COL26A1: variants seen among roughly 807,000 people sequenced by gnomAD.
COL26A1 encodes the protein collagen alpha-1(XXVI) chain.
COL26A1 carries 41 observed loss-of-function variants against 59.3 expected under a neutral mutation model. That is an observed-to-expected ratio of 0.69 (90% CI 0.54 to 0.90). COL26A1 has a LOEUF of 0.90. Ranked by LOEUF, COL26A1 falls within the 40% of genes least tolerant of loss-of-function variation. The pLI is 0.00. For synonymous variants in COL26A1, 266 were observed against 256.0 expected (o/e 1.04, Z -0.37); for missense variants, 612 against 602.3 (o/e 1.02, Z -0.17).
chr7:101,531,212 C>T (rs1299954484), intron 3 of COL26A1, among the ~76,000 whole-genome samples: 1 of 152,146 alleles, frequency 6.6e-6, no homozygotes, highest in Non-Finnish European at 1.5e-5. Flanking sequence ...ACCTCATGAT[C>T]CTCCCGCCTT....
At chr7:101,396,116 G>A (rs1408514904) in intron 1 of COL26A1, among the ~76,000 whole-genome samples, 2 of 151,946 alleles carry the variant, frequency 1.3e-5, no homozygotes, top group Admixed American at 6.6e-5. Flanking sequence ...AAAAACATTA[G>A]CCAGGTGTGG....
At chr7:101,439,017 G>A (rs1792983950) in intron 2 of COL26A1, among the ~76,000 whole-genome samples, 1 of 152,120 alleles carries the variant, frequency 6.6e-6, no homozygotes, top group Non-Finnish European at 1.5e-5. Flanking sequence ...CCTTAAAATG[G>A]GCATGTAGAA....
rs1230860434 is a variant in COL26A1, at chr7:101,450,744, T to TTCTATATGAATATGAATTCCATAG, written c.385+3044_385+3067dup. Among the ~76,000 whole-genome samples, 426 of 111,640 alleles carry TTCTATATGAATATGAATTCCATAG rather than the reference T, an allele frequency of 3.8e-3. 29 individuals are homozygous for TTCTATATGAATATGAATTCCATAG. Among genetic ancestry groups the TTCTATATGAATATGAATTCCATAG allele is most frequent in the African/African-American group, 0.012 (287 of 23,352 alleles). 73.2% of individuals were successfully genotyped at this position (111,640 alleles called of 152,430 possible). The stretch of plus-strand genomic sequence containing the variant: ...ATTATTGAATTATTTATATTCCATA[T>TTCTATATGAATATGAATTCCATAG]TCTATATGAATATGAATTCCATAGT... On this transcript the variant is annotated intron_variant, in intron 3 of 12. Transcript: ENST00000313669.
chr7:101,467,292 G>C (rs1049639972), intron 3 of COL26A1, among the ~76,000 whole-genome samples: 5 of 150,446 alleles, frequency 3.3e-5, no homozygotes, highest in African/African-American at 1.2e-4. Context: ...AAAGAGAACA[G>C]CCCTCCCTCC....
chr7:101,469,441 G>A (rs542227361), intron 3 of COL26A1, among the ~76,000 whole-genome samples: 1 of 152,172 alleles, frequency 6.6e-6, no homozygotes, highest in African/African-American at 2.4e-5. Context: ...GCCATAAACG[G>A]GGTGCCCAGT....
chr7:101,469,495 C>CTTTTTTT (rs36116265), intron 3 of COL26A1, among the ~76,000 whole-genome samples: 1 of 145,150 alleles, frequency 6.9e-6, no homozygotes, highest in African/African-American at 2.5e-5. Flanking sequence ...CGATTTCTCT[C>CTTTTTTT]TTTTTTTTTT....
chr7:101,435,498 G>A (rs550258989), intron 2 of COL26A1, among the ~76,000 whole-genome samples: 51 of 152,132 alleles, frequency 3.4e-4, no homozygotes, highest in South Asian at 2.7e-3. Flanking sequence ...TCCCTCCTCC[G>A]TGCCTCAGTT....
intron 3 of COL26A1, among the ~76,000 whole-genome samples, chr7:101,510,904 T>TTTTC (rs1794908432): frequency 6.8e-6 from 1 of 146,568 alleles, no homozygotes; most frequent in African/African-American, 2.5e-5. Context: ...CTTTCTTTTT[T>TTTTC]TTTTTTTTTT....
intron 3 of COL26A1, among the ~76,000 whole-genome samples, chr7:101,466,609 G>T (rs1793763118): frequency 6.6e-6 from 1 of 152,136 alleles, no homozygotes; most frequent in African/African-American, 2.4e-5. Flanking sequence ...AGAATCGCTT[G>T]AGCCTCGGAG....
intron 2 of COL26A1, among the ~76,000 whole-genome samples, chr7:101,437,447 C>T (rs1194247104): frequency 1.5e-5 from 2 of 131,478 alleles, no homozygotes; most frequent in Non-Finnish European, 3.2e-5. Flanking sequence ...AATTCTGAAT[C>T]GGGCGGAGTT....
At chr7:101,400,233 CCTAGGGCTCAGG>C (rs1209297437) in intron 1 of COL26A1, among the ~76,000 whole-genome samples, 1 of 151,948 alleles carries the variant, frequency 6.6e-6, no homozygotes, top group Non-Finnish European at 1.5e-5. Context: ...CATGGCTCAG[CCTAGGGCTCAGG>C]GGTTCAGGAG....
chr7:101,381,115 T>A (rs1424475303), intron 1 of COL26A1, among the ~76,000 whole-genome samples: 1 of 152,230 alleles, frequency 6.6e-6, no homozygotes, highest in African/African-American at 2.4e-5. Context: ...CTTACAGTTC[T>A]TGAGATCAGA....
In COL26A1 at chr7:101,489,599, C is replaced by T. The variant is rs554716680; in HGVS notation, c.385+41812C>T. 1.4e-5 allele frequency among the ~76,000 whole-genome samples: 2 copies of T among 145,150 alleles called. 1 individual carries two copies. Among genetic ancestry groups the T allele is most frequent in the African/African-American group, 5.1e-5 (2 of 38,844 alleles). ...ACCACCACACTCGGCTATTTTCTTT[C>T]TTTTTCTTTCTTTCTTTCTTTCTTT... On this transcript the variant is annotated intron_variant, in intron 3 of 12. Transcript: ENST00000313669.
chr7:101,406,049 C>T (rs1792121502), intron 1 of COL26A1, among the ~76,000 whole-genome samples: 1 of 152,206 alleles, frequency 6.6e-6, no homozygotes, highest in African/African-American at 2.4e-5. Context: ...CTCCCTCCTC[C>T]CCGGATGGAA....
At chr7:101,489,827 T>C (rs1416763697) in intron 3 of COL26A1, among the ~76,000 whole-genome samples, 2 of 11,856 alleles carry the variant, frequency 1.7e-4, no homozygotes, top group Non-Finnish European at 1.3e-4. Flanking sequence ...TCTTTCTTTC[T>C]TTCTTTCTTT....
intron 3 of COL26A1, among the ~76,000 whole-genome samples, chr7:101,471,332 G>A (rs1032008674): frequency 9.2e-5 from 14 of 152,168 alleles, no homozygotes; most frequent in African/African-American, 3.1e-4. Context: ...CTGTGTGAGT[G>A]TGTTACCGGA....
intron 2 of COL26A1, among the ~76,000 whole-genome samples, chr7:101,422,974 C>A (rs1334269744): frequency 6.6e-6 from 1 of 152,104 alleles, no homozygotes; most frequent in Non-Finnish European, 1.5e-5. Flanking sequence ...TATCAAAACA[C>A]AATAACGCAG....
intron 2 of COL26A1, among the ~76,000 whole-genome samples, chr7:101,433,117 GT>G (rs1792821495): frequency 2.0e-5 from 3 of 152,122 alleles, no homozygotes; most frequent in African/African-American, 7.2e-5. Flanking sequence ...GAGGCCAGAA[GT>G]TTGAGACCAG....
intron 1 of COL26A1, among the ~76,000 whole-genome samples, chr7:101,373,908 T>C (rs1791249098): frequency 6.6e-6 from 1 of 152,164 alleles, no homozygotes; most frequent in Non-Finnish European, 1.5e-5. Flanking sequence ...CCTATGGCAA[T>C]AAGAGCACTC....
Sources: gnomAD v4.1 joint callset for allele counts (sites outside exome capture counted in the v4.1 genomes callset) on GRCh38, gnomAD v4.1.1 for gene constraint, MANE v1.5 for transcripts, NCBI Gene and HGNC (gene_info 2026-07-23, HGNC 2026-07-21) for gene names.